Variants in AIG1 observed in about 807,000 individuals in gnomAD.
AIG1 encodes androgen induced 1, also known as androgen-induced gene 1 protein.
A neutral mutation model predicts 31.4 loss-of-function variants in AIG1; 23 were observed. That is an observed-to-expected ratio of 0.73 (90% confidence interval 0.53 to 1.04). AIG1 has a LOEUF of 1.04. AIG1 is among the 50% of genes least tolerant of loss of function. The probability of loss-of-function intolerance (pLI) is 0.00; values close to 1 mark genes in which losing one functional copy is unlikely to be tolerated. For missense variants in AIG1, 274 were observed against 295.0 expected (o/e 0.93, Z 0.52); for synonymous variants, 100 against 110.5 (o/e 0.90, Z 0.60).
At chr6:143,080,349 A>G (rs999155227) in intron 1 of AIG1, among the ~76,000 whole-genome samples, 12 of 152,168 alleles carry the variant, frequency 7.9e-5, no homozygotes, top group African/African-American at 2.9e-4. Context: ...GCTCCATTTG[A>G]AGAACCATTT....
intron 4 of AIG1, among the ~76,000 whole-genome samples, chr6:143,306,392 CCTT>C (rs1348260715): frequency 6.6e-6 from 1 of 152,060 alleles, no homozygotes; most frequent in Non-Finnish European, 1.5e-5. Context: ...TTTAGTGCTT[CCTT>C]CAGGAGCTCT....
intron 4 of AIG1, among the ~76,000 whole-genome samples, chr6:143,322,844 C>A (rs1288082501): frequency 6.6e-6 from 1 of 152,044 alleles, no homozygotes; most frequent in Non-Finnish European, 1.5e-5. Flanking sequence ...CAGGGATGGG[C>A]GGAGGGACTT....
chr6:143,150,867 T>A (rs1172824410), intron 2 of AIG1, among the ~76,000 whole-genome samples: 1 of 152,218 alleles, frequency 6.6e-6, no homozygotes, highest in Non-Finnish European at 1.5e-5. Flanking sequence ...TTAATTAGTT[T>A]AGTATAACTT....
At chr6:143,222,007 T>C (rs1792557526) in intron 3 of AIG1, among the ~76,000 whole-genome samples, 1 of 152,212 alleles carries the variant, frequency 6.6e-6, no homozygotes, top group Non-Finnish European at 1.5e-5. Flanking sequence ...CTCTGCACTT[T>C]AATAGGCTGC....
intron 4 of AIG1, among the ~76,000 whole-genome samples, chr6:143,332,862 G>A (rs751628543): frequency 6.6e-6 from 1 of 152,216 alleles, no homozygotes; most frequent in Non-Finnish European, 1.5e-5. Context: ...CAGAGTATGA[G>A]ACTGCGGAGA....
intron 4 of AIG1, among the ~76,000 whole-genome samples, chr6:143,286,864 A>T (rs1259424951): frequency 6.6e-6 from 1 of 151,160 alleles, no homozygotes; most frequent in Non-Finnish European, 1.5e-5. Context: ...TTCTCTTCCC[A>T]GGTTTGGGTA....
Position 143,292,687 on chromosome 6 carries a change from G to A in AIG1, c.515+8462G>A, listed in dbSNP as rs1411532454. Among the ~76,000 whole-genome samples the A allele has an allele frequency of 3.3e-5, 5 of 152,180 alleles. No homozygotes were observed. Among genetic ancestry groups the A allele is most frequent in the Admixed American group, 1.3e-4 (2 of 15,286 alleles). On this transcript the variant is annotated intron_variant, in intron 4 of 5. Coordinates refer to ENST00000357847, the MANE Select transcript of AIG1 (RefSeq NM_016108.4). The surrounding 1 kb of genome is among the most constrained non-coding windows in gnomAD (Gnocchi z 4.9). ...TGTGTCATAGTAGCAAGAAAAAAAC[G>A]AATACTTGAACAAATCACTTAATCT...
At chr6:143,062,585 A>C (rs982757575) in intron 1 of AIG1, among the ~76,000 whole-genome samples, 1 of 152,172 alleles carries the variant, frequency 6.6e-6, no homozygotes, top group Non-Finnish European at 1.5e-5. Context: ...TGGCTTGTCA[A>C]TGAGGATTGG....
chr6:143,273,056 G>A (rs1401981459), intron 3 of AIG1, among the ~76,000 whole-genome samples: 1 of 152,196 alleles, frequency 6.6e-6, no homozygotes, highest in Non-Finnish European at 1.5e-5. Flanking sequence ...TTGAACCCGG[G>A]AGGCGGAGGT....
At chr6:143,311,333 A>C (rs1354944529) in intron 4 of AIG1, among the ~76,000 whole-genome samples, 1 of 151,934 alleles carries the variant, frequency 6.6e-6, no homozygotes, top group African/African-American at 2.4e-5. Context: ...GAATACCCTG[A>C]CTTGATCATG....
intron 1 of AIG1, among the ~76,000 whole-genome samples, chr6:143,094,640 A>G (rs2128478659): frequency 6.6e-6 from 1 of 152,320 alleles, no homozygotes; most frequent in Admixed American, 6.5e-5. Flanking sequence ...TGGGACTAGA[A>G]TAGCACCCAA....
At chr6:143,176,506 C>G (rs55956634) in intron 3 of AIG1, among the ~76,000 whole-genome samples, 41,374 of 151,264 alleles carry the variant, frequency 0.27, 6,629 homozygotes, top group East Asian at 0.83. Context: ...GACTCTTCTT[C>G]GGCAGGGCTT....
chr6:143,110,228 A>T (rs150451276), intron 1 of AIG1, among the ~76,000 whole-genome samples: 50 of 152,304 alleles, frequency 3.3e-4, no homozygotes, highest in African/African-American at 1.2e-3. Flanking sequence ...GATGACTATA[A>T]CTGTAAATTA....
At chr6:143,217,715 G>A (rs573655506) in intron 3 of AIG1, among the ~76,000 whole-genome samples, 3 of 152,218 alleles carry the variant, frequency 2.0e-5, no homozygotes, top group South Asian at 4.2e-4. Flanking sequence ...CACCATGTTG[G>A]CCAGGCTCAT....
At chr6:143,226,233 A>G (rs1316251311) in intron 3 of AIG1, among the ~76,000 whole-genome samples, 4 of 140,712 alleles carry the variant, frequency 2.8e-5, no homozygotes, top group East Asian at 2.2e-4. Flanking sequence ...ATTCTTCTTA[A>G]CTATATATAT....
At chr6:143,168,709 G>C (rs1034263808) in intron 3 of AIG1, among the ~76,000 whole-genome samples, 18 of 151,942 alleles carry the variant, frequency 1.2e-4, no homozygotes, top group Non-Finnish European at 2.6e-4. Flanking sequence ...TGGCTGAGGT[G>C]GGGGGATTGC....
intron 3 of AIG1, among the ~76,000 whole-genome samples, chr6:143,252,502 G>A (rs923280225): frequency 6.6e-6 from 1 of 152,154 alleles, no homozygotes; most frequent in Non-Finnish European, 1.5e-5. Flanking sequence ...AGGATGGGGG[G>A]AGGCCAAGAG....
chr6:143,086,138 C>T (rs915012559), intron 1 of AIG1, among the ~76,000 whole-genome samples: 2 of 152,092 alleles, frequency 1.3e-5, no homozygotes, highest in African/African-American at 4.8e-5. Context: ...GCATTTGGGC[C>T]ATCCATGGCT....
At chr6:143,301,061 A>G (rs567345215) in intron 4 of AIG1, among the ~76,000 whole-genome samples, 4 of 152,320 alleles carry the variant, frequency 2.6e-5, no homozygotes, top group African/African-American at 9.6e-5. Context: ...AAGTTCATGT[A>G]TCTTTAAACT....
Sources: gnomAD v4.1 joint callset for allele counts (sites outside exome capture counted in the v4.1 genomes callset) on GRCh38, gnomAD v4.1.1 for gene constraint, Gnocchi (gnomAD v3.1) non-coding constraint, MANE v1.5 for transcripts, NCBI Gene and HGNC (gene_info 2026-07-23, HGNC 2026-07-21) for gene names.